STAT4: variants seen among roughly 807,000 people sequenced by gnomAD.
STAT4 encodes the protein signal transducer and activator of transcription 4.
Under a neutral mutation model 110.5 loss-of-function variants are expected in STAT4, and 42 were observed. That is an observed-to-expected ratio of 0.38 (90% CI 0.30 to 0.49). The LOEUF is 0.49. STAT4 is among the 20% of genes least tolerant of loss of function. The pLI, the probability that STAT4 is intolerant of heterozygous loss-of-function variation, is 0.95. For synonymous variants in STAT4, 284 were observed against 302.2 expected (o/e 0.94, Z 0.63); for missense variants, 632 against 887.9 (o/e 0.71, Z 3.66).
At chr2:191,139,568 A>C (rs1235953791) in intron 3 of STAT4, among the ~76,000 whole-genome samples, 1 of 152,226 alleles carries the variant, frequency 6.6e-6, no homozygotes, top group Non-Finnish European at 1.5e-5. Context: ...ATCTCTACAA[A>C]GAAAACTGCA....
At chr2:191,127,255 G>A (rs1480501050) in intron 3 of STAT4, among the ~76,000 whole-genome samples, 1 of 152,090 alleles carries the variant, frequency 6.6e-6, no homozygotes, top group Non-Finnish European at 1.5e-5. Flanking sequence ...AACCTTTGAT[G>A]GTTCCCTATT....
Position 191,042,088 on chromosome 2 carries a change from T to C in STAT4, c.1252-940A>G, listed in dbSNP as rs748096522. ...GTTTGCCAGACCAAGGGAGGTAACATACAGCTACTGCCTTCTATACCCAAC... is the reference window on the plus strand; with the variant it reads ...GTTTGCCAGACCAAGGGAGGTAACACACAGCTACTGCCTTCTATACCCAAC... On this transcript the variant is annotated intron_variant, in intron 14 of 23. Transcript: ENST00000392320. This position sits in a 1 kb window ranked among gnomAD's most constrained non-coding sequence, Gnocchi z 4.2. Among the ~76,000 whole-genome samples the C allele has an allele frequency of 3.3e-5, 5 of 152,176 alleles. No individual in the cohort carries two copies. Among genetic ancestry groups the C allele is most frequent in the Admixed American group, 6.5e-5 (1 of 15,286 alleles).
In STAT4 at chr2:191,058,817, G is replaced by T. The variant is rs3024865; in HGVS notation, c.1035-48C>A. 1 of 1,153,120 alleles carries T rather than the reference G, an allele frequency of 8.7e-7. No individual in the cohort carries two copies. The highest frequency in any genetic ancestry group is 1.3e-6 in the Non-Finnish European group (1 of 797,536). 71.4% of individuals were successfully genotyped at this position (1,153,120 alleles called of 1,614,324 possible). A position where few individuals can be genotyped will look rare whatever the true frequency, so the allele number is the denominator to read the frequency against. On this transcript the variant is annotated intron_variant, in intron 10 of 23. Transcript: ENST00000392320. The surrounding 1 kb of genome is among the most constrained non-coding windows in gnomAD (Gnocchi z 4.3). Reference sequence around the variant, plus strand: ...AAAATCAAAGATAAAAATTAAAAGTGTTTAAAAACCCTTTTTTATATTTAA... The same window carrying T: ...AAAATCAAAGATAAAAATTAAAAGTTTTTAAAAACCCTTTTTTATATTTAA...
chr2:191,082,095 C>T lies in STAT4; in HGVS notation c.274-5770G>A, dbSNP rs1221679229. On this transcript the variant is annotated intron_variant, in intron 3 of 23. Coordinates refer to ENST00000392320, the MANE Select transcript of STAT4 (RefSeq NM_003151.4). The surrounding 1 kb of genome is among the most constrained non-coding windows in gnomAD (Gnocchi z 4.7). ...TGAGGAATTTGGCAATTTCTCTTGC[C>T]ACTGTTGCTTTGTGTATGACAGGCA... Among the ~76,000 whole-genome samples the T allele has an allele frequency of 6.6e-6, 1 of 152,124 alleles. No individual in the cohort carries two copies. The highest frequency in any genetic ancestry group is 1.5e-5 in the Non-Finnish European group (1 of 68,034).
rs1695897380 is a variant in STAT4 at position 191,031,615 on chromosome 2, G to A, written c.2045-99C>T. ...TAGAAAAATATTAACAATGATAAGA[G>A]GAAGAGAGATAACGCAGTTGTTCGG... On this transcript the variant is annotated intron_variant, in intron 21 of 23. Transcript: ENST00000392320. The surrounding 1 kb of genome is among the most constrained non-coding windows in gnomAD (Gnocchi z 4.8). The A allele has an allele frequency of 1.0e-6, 1 of 958,620 alleles. No homozygotes were observed. Among genetic ancestry groups the A allele is most frequent in the Non-Finnish European group, 1.6e-6 (1 of 624,258 alleles). The allele number at this position is 958,620 out of a possible 1,614,324, so 59.4% of individuals were successfully genotyped here.
In STAT4 at chr2:191,039,296, G is replaced by A. The variant is rs141331848; in HGVS notation, c.1337C>T (p.Thr446Ile). 9.1e-4 allele frequency: 1,468 copies of A among 1,614,044 alleles called. No homozygotes were observed. Among genetic ancestry groups the A allele is most frequent in the Non-Finnish European group, 1.1e-3 (1,300 of 1,179,904 alleles). Residue 446 changes from threonine to isoleucine, a missense_variant and splice_region_variant, in exon 16 of 24, where the codon ACC (threonine) becomes ATC (isoleucine). By Grantham distance (89) the Thr-to-Ile change is moderately conservative. Coordinates refer to ENST00000392320, the MANE Select transcript of STAT4 (RefSeq NM_003151.4). The surrounding 1 kb of genome is among the most constrained non-coding windows in gnomAD (Gnocchi z 4.7). ...CLYGLTIDLE[T>I]SSLPVVMISN... is the part of the protein sequence containing the mutation. ...AATCATCACCACAGGCAATGAGCTGGTCTGGTTTGGGGGGAAAAAAGCATA... is the reference window on the plus strand; with the variant it reads ...AATCATCACCACAGGCAATGAGCTGATCTGGTTTGGGGGGAAAAAAGCATA...
intron 8 of STAT4, among the ~76,000 whole-genome samples, chr2:191,063,630 C>A (rs532827022): frequency 0.014 from 2,134 of 152,278 alleles, 53 homozygotes; most frequent in African/African-American, 0.049. Flanking sequence ...TCCACCTCGC[C>A]ATACAGTAAC....
In STAT4 at chr2:191,033,015, G is replaced by C; in HGVS notation, c.1987C>G (p.Pro663Ala). The part of the protein sequence containing the change: ...IPENPLKYLY[P>A]DIPKDKAFGK... Reference sequence around the variant, plus strand: ...AAGGCTTTGTCTTTGGGAATGTCAGGATATAGGTACTTCAGAGGGTTTTCA... The same window carrying C: ...AAGGCTTTGTCTTTGGGAATGTCAGCATATAGGTACTTCAGAGGGTTTTCA... Residue 663 changes from proline (P) to alanine (A), a missense_variant, in exon 21 of 24, where the codon CCT (proline) becomes GCT (alanine). By Grantham distance (27) the Pro-to-Ala change is conservative (BLOSUM62 -1). Transcript: ENST00000392320. The surrounding 1 kb of genome is among the most constrained non-coding windows in gnomAD (Gnocchi z 6.9). 1.2e-6 allele frequency: 2 copies of C among 1,614,200 alleles called. No homozygotes were observed. Among genetic ancestry groups the C allele is most frequent in the Admixed American group, 1.7e-5 (1 of 60,020 alleles).
At chr2:191,073,293 A>G (rs1697218086) in intron 4 of STAT4, 103 bp from the exon 5 acceptor site, 2 of 845,816 alleles carry the variant, frequency 2.4e-6, no homozygotes, top group Non-Finnish European at 3.9e-6. Flanking sequence ...TCAATGTGAT[A>G]TGGATACTCT....
chr2:191,118,974 C>T (rs1698645966), intron 3 of STAT4, among the ~76,000 whole-genome samples: 1 of 152,130 alleles, frequency 6.6e-6, no homozygotes, highest in Non-Finnish European at 1.5e-5. Flanking sequence ...CTATGTTGCC[C>T]AGGCTGGCCT....
intron 3 of STAT4, among the ~76,000 whole-genome samples, chr2:191,102,016 T>C (rs1415864381): frequency 6.6e-6 from 1 of 151,990 alleles, no homozygotes; most frequent in Non-Finnish European, 1.5e-5. Context: ...AACCTTTTTT[T>C]TTTTTTTGAA....
chr2:191,092,073 G>A (rs1697814689), intron 3 of STAT4, among the ~76,000 whole-genome samples: 1 of 152,146 alleles, frequency 6.6e-6, no homozygotes, highest in African/African-American at 2.4e-5. Flanking sequence ...TTGTATAATT[G>A]TCAATCCAGA....
Position 191,033,300 on chromosome 2 carries a change from G to T in STAT4, c.1853-151C>A. 8.8e-7 allele frequency: 1 copy of T among 1,131,958 alleles called. No homozygotes were observed. Among genetic ancestry groups the T allele is most frequent in the African/African-American group, 1.6e-5 (1 of 63,406 alleles). 70.1% of individuals were successfully genotyped at this position (1,131,958 alleles called of 1,614,324 possible). A position where few individuals can be genotyped will look rare whatever the true frequency, so the allele number is the denominator to read the frequency against. The stretch of plus-strand genomic sequence containing the variant: ...GACCTTCTGCTGTCTGGACAGTATA[G>T]ATTGTGCATACGATAGACTTTTTGG... On this transcript the variant is annotated intron_variant, in intron 20 of 23. Coordinates refer to ENST00000392320, the MANE Select transcript of STAT4 (RefSeq NM_003151.4). The surrounding 1 kb of genome is among the most constrained non-coding windows in gnomAD (Gnocchi z 6.9).
At chr2:191,094,454 A>G (rs958671903) in intron 3 of STAT4, among the ~76,000 whole-genome samples, 2 of 152,196 alleles carry the variant, frequency 1.3e-5, no homozygotes, top group Non-Finnish European at 2.9e-5. Flanking sequence ...TAAAGAAAAG[A>G]ATTTTCAAAC....
Position 191,031,438 on chromosome 2 carries a change from A to C in STAT4, c.2111+12T>G, listed in dbSNP as rs745861196. 3 of 1,608,638 alleles carry C rather than the reference A, an allele frequency of 1.9e-6. No individual in the cohort carries two copies. In the South Asian group the frequency reaches 3.3e-5, roughly 18 times the overall value. ...TTATAAAAATATTTCACATGTGACTAACATTACTCACATTGTTGAGATGGG... is the reference window on the plus strand; with the variant it reads ...TTATAAAAATATTTCACATGTGACTCACATTACTCACATTGTTGAGATGGG... On this transcript the variant is annotated intron_variant, in intron 22 of 23. Transcript: ENST00000392320. This position sits in a 1 kb window ranked among gnomAD's most constrained non-coding sequence, Gnocchi z 4.8.
chr2:191,106,087 C>T (rs150350276), intron 3 of STAT4, among the ~76,000 whole-genome samples: 2 of 152,204 alleles, frequency 1.3e-5, no homozygotes, highest in African/African-American at 4.8e-5. Context: ...ACTGAATCAT[C>T]AGTAATATTA....
chr2:191,056,779 ATTTTT>A (rs34775786), intron 13 of STAT4, among the ~76,000 whole-genome samples: 1 of 94,512 alleles, frequency 1.1e-5, no homozygotes, highest in African/African-American at 3.6e-5. Context: ...CTTCTACACT[ATTTTT>A]TTTTTTTTTT....
chr2:191,029,876 A>G lies in STAT4; in HGVS notation c.2221-10T>C. 1 of 1,588,604 alleles carries G rather than the reference A, an allele frequency of 6.3e-7. No individual in the cohort carries two copies. Among genetic ancestry groups the G allele is most frequent in the Non-Finnish European group, 8.6e-7 (1 of 1,168,144 alleles). ...AATAAGGAGACTTCATCTAAAATTA[A>G]AAATGAAAATAATCTTTGAGGAAAC... is the stretch of plus-strand genomic sequence containing the variant. On this transcript the variant is annotated splice_polypyrimidine_tract_variant and intron_variant, in intron 23 of 23. Transcript: ENST00000392320. This position sits in a 1 kb window ranked among gnomAD's most constrained non-coding sequence, Gnocchi z 4.5.
intron 3 of STAT4, among the ~76,000 whole-genome samples, chr2:191,101,182 C>G (rs1698140546): frequency 6.6e-6 from 1 of 152,022 alleles, no homozygotes; most frequent in South Asian, 2.1e-4. Flanking sequence ...ATTTTAAATG[C>G]AAAATCCCTA....
Sources: gnomAD v4.1 joint callset for allele counts (sites outside exome capture counted in the v4.1 genomes callset) on GRCh38, gnomAD v4.1.1 for gene constraint, Gnocchi (gnomAD v3.1) non-coding constraint, MANE v1.5 for transcripts, NCBI Gene and HGNC (gene_info 2026-07-23, HGNC 2026-07-21) for gene names.